Variants in NPAS3 observed in about 807,000 individuals in gnomAD.
The protein encoded by NPAS3 is neuronal PAS domain-containing protein 3.
In NPAS3, 14 loss-of-function variants were observed where a neutral mutation model predicts 73.1. The observed-to-expected ratio is 0.19, with a 90% CI of 0.13 to 0.30. NPAS3 has a LOEUF of 0.30. Among genes scored for constraint, NPAS3 ranks in the 10% least tolerant of loss-of-function variants. The pLI is 1.00. For synonymous variants in NPAS3, 620 were observed against 541.5 expected (o/e 1.14, Z -2.01); for missense variants, 1,096 against 1,250.0 (o/e 0.88, Z 1.86).
intron 2 of NPAS3, among the ~76,000 whole-genome samples, chr14:33,156,316 T>C (rs147571870): frequency 3.9e-4 from 60 of 152,362 alleles, no homozygotes; most frequent in African/African-American, 1.2e-3. Context: ...GCCTTGTTTT[T>C]ACCTTGATGT....
At chr14:33,067,852 T>G (rs1278487569) in intron 2 of NPAS3, among the ~76,000 whole-genome samples, 1 of 152,262 alleles carries the variant, frequency 6.6e-6, no homozygotes, top group African/African-American at 2.4e-5. Flanking sequence ...CTTCTTTTGC[T>G]TTATCTTCAT....
intron 9 of NPAS3, among the ~76,000 whole-genome samples, chr14:33,785,074 T>A (rs2063127608): frequency 1.3e-5 from 2 of 151,980 alleles, no homozygotes; most frequent in South Asian, 4.2e-4. Context: ...ATAGTTTTTT[T>A]AAAACCTTGT....
chr14:33,414,156 G>A (rs1160654763), intron 4 of NPAS3, among the ~76,000 whole-genome samples: 1 of 152,064 alleles, frequency 6.6e-6, no homozygotes, highest in Non-Finnish European at 1.5e-5. Flanking sequence ...AAGCTTAAAT[G>A]ATTGCAGCTA....
At chr14:33,166,441 TCACATCTGTCTTGCATG>T in intron 2 of NPAS3, among the ~76,000 whole-genome samples, 1 of 152,270 alleles carries the variant, frequency 6.6e-6, no homozygotes, top group East Asian at 1.9e-4. Context: ...TGCCTTGAAT[TCACATCTGTCTTGCATG>T]CACATCTGTC....
chr14:33,776,294 A>T (rs1400368070), intron 8 of NPAS3, among the ~76,000 whole-genome samples: 2 of 152,066 alleles, frequency 1.3e-5, no homozygotes, highest in Non-Finnish European at 2.9e-5. Flanking sequence ...AACACACATC[A>T]GCTCCCTTGA....
intron 6 of NPAS3, among the ~76,000 whole-genome samples, chr14:33,678,150 A>C (rs2059821529): frequency 6.6e-6 from 1 of 152,154 alleles, no homozygotes; most frequent in Non-Finnish European, 1.5e-5. Flanking sequence ...TACGCAGCCA[A>C]ATCTCTACAG....
chr14:33,609,911 G>A (rs1302860893), intron 5 of NPAS3, among the ~76,000 whole-genome samples: 1 of 152,092 alleles, frequency 6.6e-6, no homozygotes, highest in Admixed American at 6.6e-5. Flanking sequence ...CGAAGCTGGG[G>A]TTTTAAATTG....
At chr14:33,792,895 G>T (rs989658140) in intron 9 of NPAS3, among the ~76,000 whole-genome samples, 4 of 152,202 alleles carry the variant, frequency 2.6e-5, no homozygotes, top group African/African-American at 9.7e-5. Flanking sequence ...AGCTTTCGCG[G>T]GGCGCCGAGT....
intron 1 of NPAS3, among the ~76,000 whole-genome samples, chr14:33,007,711 A>G (rs138761325): frequency 1.3e-5 from 2 of 152,326 alleles, no homozygotes; most frequent in African/African-American, 4.8e-5. Flanking sequence ...AGAATGTTTC[A>G]TGTTCTAGCA....
intron 3 of NPAS3, among the ~76,000 whole-genome samples, chr14:33,275,575 G>A (rs1027436813): frequency 6.6e-6 from 1 of 152,170 alleles, no homozygotes; most frequent in African/African-American, 2.4e-5. Flanking sequence ...AGGGTAGGTT[G>A]ATAATGAATT....
At chr14:33,073,337 A>G (rs1348370961) in intron 2 of NPAS3, among the ~76,000 whole-genome samples, 1 of 152,212 alleles carries the variant, frequency 6.6e-6, no homozygotes, top group Admixed American at 6.5e-5. Context: ...TTCCTATAGC[A>G]TAGAGTTTAT....
At chr14:33,628,571 A>G (rs2058286882) in intron 5 of NPAS3, among the ~76,000 whole-genome samples, 1 of 152,344 alleles carries the variant, frequency 6.6e-6, no homozygotes, top group African/African-American at 2.4e-5. Flanking sequence ...TCCGTCCATT[A>G]GTTGCATATC....
chr14:33,172,433 T>C (rs2045426606), intron 2 of NPAS3, among the ~76,000 whole-genome samples: 1 of 152,140 alleles, frequency 6.6e-6, no homozygotes, highest in Admixed American at 6.5e-5. Context: ...TTTCTGAGAT[T>C]GCATATAAAA....
chr14:33,778,020 CT>C (rs1240611258), intron 8 of NPAS3, among the ~76,000 whole-genome samples: 1 of 152,180 alleles, frequency 6.6e-6, no homozygotes, highest in Non-Finnish European at 1.5e-5. Context: ...TGCTGAAGCC[CT>C]TTTTCATGGA....
intron 6 of NPAS3, among the ~76,000 whole-genome samples, chr14:33,677,555 T>C (rs2059803714): frequency 6.6e-6 from 1 of 152,086 alleles, no homozygotes; most frequent in Non-Finnish European, 1.5e-5. Flanking sequence ...TAACTCAACA[T>C]ACTTCGAAGA....
chr14:32,990,663 C>T (rs535468057), intron 1 of NPAS3, among the ~76,000 whole-genome samples: 2 of 152,176 alleles, frequency 1.3e-5, no homozygotes, highest in South Asian at 4.2e-4. Context: ...CGGTAGTTCA[C>T]ACCTATAATC....
chr14:33,562,524 A>T (rs556920393), intron 5 of NPAS3, among the ~76,000 whole-genome samples: 1 of 152,294 alleles, frequency 6.6e-6, no homozygotes, highest in Non-Finnish European at 1.5e-5. Context: ...AACTGAATTG[A>T]TGAGGGGTCA....
intron 7 of NPAS3, among the ~76,000 whole-genome samples, chr14:33,747,259 T>TA: frequency 1.3e-5 from 2 of 152,184 alleles, no homozygotes; most frequent in South Asian, 2.1e-4. Context: ...TAGGCAGCCA[T>TA]AAAAAATGAT....
chr14:33,721,974 A>C (rs2061126772), intron 6 of NPAS3, among the ~76,000 whole-genome samples: 1 of 152,216 alleles, frequency 6.6e-6, no homozygotes, highest in African/African-American at 2.4e-5. Flanking sequence ...TGAAGACCCC[A>C]GAACAAGGGC....
Sources: gnomAD v4.1 joint callset for allele counts (sites outside exome capture counted in the v4.1 genomes callset) on GRCh38, gnomAD v4.1.1 for gene constraint, MANE v1.5 for transcripts, NCBI Gene and HGNC (gene_info 2026-07-23, HGNC 2026-07-21) for gene names.